LOC128462377: variants seen among roughly 807,000 people sequenced by gnomAD.
chr16:89,405,920 G>C, the LOC128462377 span, among the ~76,000 whole-genome samples: 3 of 151,988 alleles, frequency 2.0e-5, no homozygotes, highest in Admixed American at 1.3e-4. Context: ...GAGCAGTCTG[G>C]CCAACATGGT....
chr16:89,327,914 T>A, the LOC128462377 span, among the ~76,000 whole-genome samples: 1 of 152,188 alleles, frequency 6.6e-6, no homozygotes, highest in Non-Finnish European at 1.5e-5. Flanking sequence ...AAACTTTTGC[T>A]CTTTGAAAGA....
the LOC128462377 span, among the ~76,000 whole-genome samples, chr16:89,343,063 C>T: frequency 1.5e-4 from 23 of 152,216 alleles, no homozygotes; most frequent in Non-Finnish European, 8.8e-5. Flanking sequence ...TGTTGTCACC[C>T]AGGCTGGAGT....
the LOC128462377 span, among the ~76,000 whole-genome samples, chr16:89,383,605 G>T: frequency 6.6e-6 from 1 of 152,150 alleles, no homozygotes; most frequent in African/African-American, 2.4e-5. Flanking sequence ...AGCCTCCCAT[G>T]GTGTCACGTC....
chr16:89,359,520 C>G, the LOC128462377 span, among the ~76,000 whole-genome samples: 1 of 152,226 alleles, frequency 6.6e-6, no homozygotes, highest in African/African-American at 2.4e-5. Flanking sequence ...CTCACTGTGC[C>G]TACCTCCTTG....
At chr16:89,362,560 G>A in the LOC128462377 span, among the ~76,000 whole-genome samples, 2 of 152,354 alleles carry the variant, frequency 1.3e-5, no homozygotes, top group East Asian at 3.9e-4. Flanking sequence ...AAAAGTAGAA[G>A]TTCCTCTTCA....
chr16:89,407,209 C>T, the LOC128462377 span, among the ~76,000 whole-genome samples: 3 of 151,034 alleles, frequency 2.0e-5, no homozygotes, highest in Non-Finnish European at 2.9e-5. Flanking sequence ...AAAAAGAACA[C>T]GCAGACAGAA....
the LOC128462377 span, among the ~76,000 whole-genome samples, chr16:89,381,448 T>TA: frequency 6.6e-6 from 1 of 150,742 alleles, no homozygotes; most frequent in Non-Finnish European, 1.5e-5. Context: ...GGTTATTGTA[T>TA]AAGGAGCAAG....
the LOC128462377 span, among the ~76,000 whole-genome samples, chr16:89,368,199 G>A: frequency 6.6e-6 from 1 of 150,876 alleles, no homozygotes; most frequent in South Asian, 2.1e-4. Context: ...ACATGTTTTC[G>A]AGCTTTTTTT....
chr16:89,370,104 A>C, the LOC128462377 span, among the ~76,000 whole-genome samples: 2 of 152,214 alleles, frequency 1.3e-5, no homozygotes, highest in South Asian at 2.1e-4. Flanking sequence ...GGCAGGAAGA[A>C]GACACACTGC....
At chr16:89,331,243 T>C in the LOC128462377 span, among the ~76,000 whole-genome samples, 4 of 152,354 alleles carry the variant, frequency 2.6e-5, no homozygotes, top group South Asian at 6.2e-4. Context: ...CATGAGCCAC[T>C]GCGCCCGGCC....
chr16:89,360,458 T>C, the LOC128462377 span: 1 of 152,182 alleles, frequency 6.6e-6, no homozygotes, highest in Non-Finnish European at 1.5e-5. Flanking sequence ...CATAGCAAAA[T>C]TCTGAGAAAC....
At chr16:89,341,507 A>C in the LOC128462377 span, among the ~76,000 whole-genome samples, 16 of 152,148 alleles carry the variant, frequency 1.1e-4, no homozygotes, top group Non-Finnish European at 2.2e-4. Flanking sequence ...AACGGCTCTA[A>C]ACATATGTGC....
chr16:89,359,808 T>TA, the LOC128462377 span, among the ~76,000 whole-genome samples: 1 of 152,204 alleles, frequency 6.6e-6, no homozygotes, highest in Non-Finnish European at 1.5e-5. Flanking sequence ...AAAGATAAGA[T>TA]AGTTTTTATT....
At chr16:89,349,429 G>A in the LOC128462377 span, among the ~76,000 whole-genome samples, 1 of 151,212 alleles carries the variant, frequency 6.6e-6, no homozygotes, top group Non-Finnish European at 1.5e-5. Flanking sequence ...ACAGTGAGCT[G>A]AGATCGCGCC....
At chr16:89,336,594 A>G in the LOC128462377 span, among the ~76,000 whole-genome samples, 1 of 152,154 alleles carries the variant, frequency 6.6e-6, no homozygotes, top group Non-Finnish European at 1.5e-5. Context: ...TCAATGAGAC[A>G]CAAGGTTAAA....
chr16:89,407,842 T>C, the LOC128462377 span, among the ~76,000 whole-genome samples: 1 of 134,532 alleles, frequency 7.4e-6, no homozygotes, highest in Non-Finnish European at 1.6e-5. Flanking sequence ...AGTCAGATCC[T>C]GTCTCCCTCC....
the LOC128462377 span, among the ~76,000 whole-genome samples, chr16:89,325,434 T>G: frequency 7.4e-6 from 1 of 134,502 alleles, no homozygotes. Flanking sequence ...CCAGACCCTC[T>G]CCCCTCTCCC....
At chr16:89,331,877 C>T in the LOC128462377 span, among the ~76,000 whole-genome samples, 1 of 152,106 alleles carries the variant, frequency 6.6e-6, no homozygotes, top group African/African-American at 2.4e-5. Flanking sequence ...GGGTTTGGTT[C>T]CGGGTTAACG....
chr16:89,355,224 C>T, the LOC128462377 span, among the ~76,000 whole-genome samples: 1 of 151,884 alleles, frequency 6.6e-6, no homozygotes, highest in Middle Eastern at 3.2e-3. Flanking sequence ...AGAGGGCTCA[C>T]GGAGGGAGGG....
Sources: gnomAD v4.1 joint callset for allele counts (sites outside exome capture counted in the v4.1 genomes callset) on GRCh38, gnomAD v4.1.1 for gene constraint, MANE v1.5 for transcripts.